The following CORO1C variants were observed in gnomAD, a reference collection of about 807,000 sequenced individuals.
The protein encoded by CORO1C is coronin 1C, also known as coronin-1C.
Under a neutral mutation model 51.2 loss-of-function variants are expected in CORO1C, and 14 were observed. The ratio of observed to expected loss-of-function variants is 0.27; its 90% CI spans 0.18 to 0.43. The LOEUF (loss-of-function observed/expected upper bound fraction) is 0.43. CORO1C is among the 20% of genes least tolerant of loss of function. CORO1C has a pLI of 1.00. For missense variants in CORO1C, 417 were observed against 607.8 expected (o/e 0.69, Z 3.30); for synonymous variants, 181 against 210.5 (o/e 0.86, Z 1.21).
At chr12:108,726,662 A>G (rs965774020) in intron 1 of CORO1C, among the ~76,000 whole-genome samples, 20 of 151,834 alleles carry the variant, frequency 1.3e-4, no homozygotes, top group Non-Finnish European at 4.4e-5. Context: ...ATTAAAAAAA[A>G]AAAAAAAGAA....
chr12:108,648,401 G>A lies in CORO1C; in HGVS notation c.1305+204C>T, dbSNP rs559386679. On this transcript the variant is annotated intron_variant, in intron 10 of 10. Transcript: ENST00000261401. ...ACTTGGCTCCTTTAATGGGGCTAAA[G>A]GAGCTTTAACTCCGTTAAAGGAGGC... Among the ~76,000 whole-genome samples the A allele has an allele frequency of 2.5e-3, 387 of 152,226 alleles. 3 individuals are homozygous for A. The highest frequency in any genetic ancestry group is 2.3e-3 in the Non-Finnish European group (159 of 67,998).
chr12:108,703,810 T>C (rs1201550886), intron 1 of CORO1C, among the ~76,000 whole-genome samples: 2 of 152,184 alleles, frequency 1.3e-5, no homozygotes, highest in Non-Finnish European at 2.9e-5. Context: ...TGTGAACAGA[T>C]GCCTCACTGA....
intron 1 of CORO1C, among the ~76,000 whole-genome samples, chr12:108,726,295 T>C (rs2035589358): frequency 6.6e-6 from 1 of 150,840 alleles, no homozygotes; most frequent in African/African-American, 2.4e-5. Context: ...GGCGGGCGCC[T>C]GTAGTCCCAG....
In CORO1C at chr12:108,713,329, G is replaced by A. The variant is rs1048854115; in HGVS notation, c.-5-12006C>T. 4.5e-4 allele frequency among the ~76,000 whole-genome samples: 68 copies of A among 152,300 alleles called. 1 individual carries two copies. Among genetic ancestry groups the A allele is most frequent in the Admixed American group, 2.9e-3 (44 of 15,296 alleles). ...GGCCGACTGACTGCAAGTATGAATAGCCTTGATGTTGGTTCAATTGATTAT... is the reference window on the plus strand; with the variant it reads ...GGCCGACTGACTGCAAGTATGAATAACCTTGATGTTGGTTCAATTGATTAT... On this transcript the variant is annotated intron_variant, in intron 1 of 10. Coordinates refer to ENST00000261401, the MANE Select transcript of CORO1C (RefSeq NM_014325.4).
intron 1 of CORO1C, among the ~76,000 whole-genome samples, chr12:108,710,866 A>T (rs926166541): frequency 2.6e-5 from 4 of 151,990 alleles, no homozygotes; most frequent in African/African-American, 9.7e-5. Context: ...CTGGCCTAAA[A>T]TTTTTCTTAC....
intron 1 of CORO1C, chr12:108,702,036 G>GT (rs1218259690): frequency 6.6e-6 from 1 of 152,602 alleles, no homozygotes; most frequent in Non-Finnish European, 1.5e-5. Flanking sequence ...AGCCTAACGG[G>GT]TAAGAGCCAG....
At chr12:108,649,267 G>A (rs1039855725) in intron 8 of CORO1C, 28 of 541,944 alleles carry the variant, frequency 5.2e-5, no homozygotes, top group Admixed American at 1.0e-4. Flanking sequence ...AGAGGTCTAC[G>A]TATGATGATG....
intron 1 of CORO1C, among the ~76,000 whole-genome samples, chr12:108,705,689 C>A (rs1045956942): frequency 6.6e-6 from 1 of 152,042 alleles, no homozygotes; most frequent in Admixed American, 6.6e-5. Flanking sequence ...AGACCAATAT[C>A]TCTTATGAAT....
chr12:108,663,912 G>C (rs2033372969), intron 3 of CORO1C, among the ~76,000 whole-genome samples: 1 of 152,094 alleles, frequency 6.6e-6, no homozygotes, highest in Non-Finnish European at 1.5e-5. Context: ...ATCTTAATTG[G>C]GGACATGCCT....
chr12:108,681,150 GC>G (rs1189415049), intron 2 of CORO1C, among the ~76,000 whole-genome samples: 14 of 152,294 alleles, frequency 9.2e-5, no homozygotes, highest in African/African-American at 3.1e-4. Flanking sequence ...ATAGGTGTGT[GC>G]CACCATGCGT....
chr12:108,705,092 G>T (rs1476811789), intron 1 of CORO1C, among the ~76,000 whole-genome samples: 3 of 152,046 alleles, frequency 2.0e-5, no homozygotes, highest in Non-Finnish European at 4.4e-5. Flanking sequence ...AGATAATTTG[G>T]ATTCAAATCT....
At chr12:108,716,127 C>CAAAAAA (rs61278729) in intron 1 of CORO1C, among the ~76,000 whole-genome samples, 17 of 41,090 alleles carry the variant, frequency 4.1e-4, no homozygotes, top group Non-Finnish European at 5.0e-4. Flanking sequence ...GACTCTGTCG[C>CAAAAAA]AAAAAAAAAA....
chr12:108,700,171 G>T (rs369335205), intron 2 of CORO1C, among the ~76,000 whole-genome samples: 1 of 152,108 alleles, frequency 6.6e-6, no homozygotes, highest in Non-Finnish European at 1.5e-5. Flanking sequence ...CACTTCCCCC[G>T]CTGTTTTCAG....
At position 108,648,995 on chromosome 12, in the gene CORO1C, A is replaced by G; in HGVS notation, c.1027T>C (p.Cys343Arg). ...ARFFKLHERK[C>R]EPIIMTVPRK... Reference sequence around the variant, plus strand: ...GGAACAGTCATAATAATAGGTTCACACTTTCTCTCATGAAGTTTGAAGAAT... The same window carrying G: ...GGAACAGTCATAATAATAGGTTCACGCTTTCTCTCATGAAGTTTGAAGAAT... The change falls in exon 9 of 11, where the codon TGT (cysteine) becomes CGT (arginine). Residue 343 changes from cysteine (C) to arginine (R), a missense_variant. Physicochemically the swap from Cys to Arg is radical, Grantham distance 180. Transcript: ENST00000261401. 1 of 1,614,246 alleles carries G rather than the reference A, an allele frequency of 6.2e-7. No homozygotes were observed. The highest frequency in any genetic ancestry group is 8.5e-7 in the Non-Finnish European group (1 of 1,180,044).
chr12:108,656,363 G>A (rs1274532833), intron 6 of CORO1C, among the ~76,000 whole-genome samples: 8 of 145,398 alleles, frequency 5.5e-5, no homozygotes, highest in African/African-American at 2.0e-4. Context: ...CCGGCCAGCC[G>A]CCCCGTCCGG....
intron 1 of CORO1C, among the ~76,000 whole-genome samples, chr12:108,728,163 TAG>T (rs916506127): frequency 2.0e-4 from 31 of 152,262 alleles, no homozygotes; most frequent in African/African-American, 6.3e-4. Context: ...TAGTTAAATA[TAG>T]AGTTACCATA....
intron 3 of CORO1C, among the ~76,000 whole-genome samples, chr12:108,672,700 G>C (rs552856761): frequency 6.6e-6 from 1 of 151,640 alleles, no homozygotes; most frequent in Non-Finnish European, 1.5e-5. Context: ...CAACCCTAAG[G>C]CAAGTCTATC....
intron 1 of CORO1C, among the ~76,000 whole-genome samples, chr12:108,720,812 C>T (rs775429948): frequency 6.6e-6 from 1 of 152,092 alleles, no homozygotes; most frequent in Non-Finnish European, 1.5e-5. Flanking sequence ...CATGAGCCAC[C>T]GCACCCGGCA....
At chr12:108,671,554 C>T (rs1433462532) in intron 3 of CORO1C, among the ~76,000 whole-genome samples, 1 of 149,006 alleles carries the variant, frequency 6.7e-6, no homozygotes, top group Non-Finnish European at 1.5e-5. Context: ...TCTAGAGATA[C>T]CAACTCAGAA....
Sources: gnomAD v4.1 joint callset for allele counts (sites outside exome capture counted in the v4.1 genomes callset) on GRCh38, gnomAD v4.1.1 for gene constraint, MANE v1.5 for transcripts, NCBI Gene and HGNC (gene_info 2026-07-23, HGNC 2026-07-21) for gene names.